PLEKHA4: variants seen among roughly 807,000 people sequenced by gnomAD.
The protein encoded by PLEKHA4 is pleckstrin homology domain-containing family A member 4.
Under a neutral mutation model 94.7 loss-of-function variants are expected in PLEKHA4, and 73 were observed. The observed-to-expected ratio is 0.77, with a 90% CI of 0.64 to 0.94. PLEKHA4 has a LOEUF of 0.94. Ranked by LOEUF, PLEKHA4 falls within the 40% of genes least tolerant of loss-of-function variation. The pLI is 0.00. For missense variants in PLEKHA4, 1,049 were observed against 1,054.1 expected (o/e 1.00, Z 0.07); for synonymous variants, 449 against 437.1 (o/e 1.03, Z -0.34).
At chr19:48,851,255 G>C (rs1357708165) in intron 13 of PLEKHA4, among the ~76,000 whole-genome samples, 3 of 152,188 alleles carry the variant, frequency 2.0e-5, no homozygotes, top group Non-Finnish European at 4.4e-5. Context: ...TTGCATGCCT[G>C]TACCAAAATA....
At chr19:48,847,738 AC>A (rs1036302360) in intron 14 of PLEKHA4, among the ~76,000 whole-genome samples, 161 bp downstream of exon 14, 2 of 151,994 alleles carry the variant, frequency 1.3e-5, no homozygotes, top group African/African-American at 4.8e-5. Flanking sequence ...TCTCAAAAAA[AC>A]CCCCGAAAAA....
At chr19:48,848,553 G>A (rs1263832970) in intron 13 of PLEKHA4, among the ~76,000 whole-genome samples, 1 of 151,532 alleles carries the variant, frequency 6.6e-6, no homozygotes, top group East Asian at 1.9e-4. Context: ...AGCATTTTGG[G>A]AAGCCGAGGC....
chr19:48,845,789 C>G (rs1341900079), intron 14 of PLEKHA4, among the ~76,000 whole-genome samples, 173 bp from the exon 15 acceptor site: 1 of 151,692 alleles, frequency 6.6e-6, no homozygotes, highest in Admixed American at 6.6e-5. Flanking sequence ...CCGAGGCAGG[C>G]AGACCACCTG....
At chr19:48,862,752 A>G (rs2036692720) in intron 3 of PLEKHA4, among the ~76,000 whole-genome samples, 1 of 151,776 alleles carries the variant, frequency 6.6e-6, no homozygotes, top group African/African-American at 2.4e-5. Flanking sequence ...TGACCTTGTG[A>G]TCTGCCTGCC....
intron 12 of PLEKHA4, among the ~76,000 whole-genome samples, chr19:48,853,066 A>C (rs573794656): frequency 6.6e-6 from 1 of 152,194 alleles, no homozygotes; most frequent in Non-Finnish European, 1.5e-5. Context: ...CTCAACTCTC[A>C]TTTAATTCCT....
In PLEKHA4 at chr19:48,858,899, G is replaced by C. The variant is rs998935719; in HGVS notation, c.933C>G (p.Pro311=). 4.4e-6 allele frequency: 7 copies of C among 1,608,222 alleles called. No homozygotes were observed. In the African/African-American group the frequency reaches 8.1e-5, roughly 19 times the overall value. The part of the protein sequence containing the change: ...PPSEAGGGKP[P]RSPQHWSQEP... ...CCTGACTCCAGTGCTGGGGACTCCTGGGGGGCTTTCCTCCCCCAGCCTCAG... is the reference window on the plus strand; with the variant it reads ...CCTGACTCCAGTGCTGGGGACTCCTCGGGGGCTTTCCTCCCCCAGCCTCAG... The change falls in exon 8 of 20, where the codon CCC becomes CCG. Residue 311 remains proline (P), a synonymous_variant. Coordinates refer to ENST00000263265, the MANE Select transcript of PLEKHA4 (RefSeq NM_020904.3).
At chr19:48,848,811 GA>G (rs1274921226) in intron 13 of PLEKHA4, among the ~76,000 whole-genome samples, 4 of 150,124 alleles carry the variant, frequency 2.7e-5, no homozygotes, top group Non-Finnish European at 5.9e-5. Context: ...AAAAAAAAAA[GA>G]AAAAGAAAAA....
At chr19:48,853,013 C>T (rs1314705481) in intron 12 of PLEKHA4, among the ~76,000 whole-genome samples, 1 of 152,170 alleles carries the variant, frequency 6.6e-6, no homozygotes, top group African/African-American at 2.4e-5. Context: ...ATGATAATAT[C>T]AGCTAACACT....
chr19:48,842,632 G>C (rs2035812695), intron 16 of PLEKHA4, among the ~76,000 whole-genome samples: 1 of 152,190 alleles, frequency 6.6e-6, no homozygotes, highest in South Asian at 2.1e-4. Context: ...CCATAGATAA[G>C]ATGAGCCCCA....
intron 17 of PLEKHA4, 127 bp from the exon 18 acceptor site, chr19:48,839,390 T>G (rs898913986): frequency 2.8e-5 from 15 of 534,870 alleles, no homozygotes; most frequent in African/African-American, 2.3e-4. Context: ...TTTTGTTTTG[T>G]TTTTCCTATG....
intron 3 of PLEKHA4, among the ~76,000 whole-genome samples, chr19:48,862,285 C>G (rs2123151538): frequency 6.7e-6 from 1 of 149,996 alleles, no homozygotes; most frequent in South Asian, 2.1e-4. Context: ...ACGGCAACCT[C>G]TGCCTCCCAG....
Position 48,867,442 on chromosome 19 carries a change from ATC to A in PLEKHA4, c.84+93_84+94del. On this transcript the variant is annotated intron_variant, in intron 2 of 19. Transcript: ENST00000263265. This position sits in a 1 kb window ranked among gnomAD's most constrained non-coding sequence, Gnocchi z 4.7. ...TGTCTGGCAGACCCCGTTGCTAAGG[ATC>A]TTTGTCCTTAACAACCAGAGTCCTT... is the stretch of plus-strand genomic sequence containing the variant. The A allele has an allele frequency of 1.4e-6, 2 of 1,405,782 alleles. No individual in the cohort carries two copies. Among genetic ancestry groups the A allele is most frequent in the Non-Finnish European group, 1.9e-6 (2 of 1,032,354 alleles). The allele number at this position is 1,405,782 out of a possible 1,614,324, so 87.1% of individuals were successfully genotyped here.
chr19:48,867,609 G>A lies in PLEKHA4; in HGVS notation c.12C>T (p.Ser4=). The A allele has an allele frequency of 6.3e-7, 1 of 1,596,476 alleles. No individual in the cohort carries two copies. Residue 4 remains serine (S), a synonymous_variant, in exon 2 of 20, where the codon AGC becomes AGT. Transcript: ENST00000263265. This position sits in a 1 kb window ranked among gnomAD's most constrained non-coding sequence, Gnocchi z 4.7. ...CCAGGCTCAGGCTGCTGCGAGGTCG[G>A]CTCCCCTCCATCAAGGGCTGGGGGA... MEG[S]RPRSSLSLAS...
chr19:48,865,973 C>A (rs2036819989), intron 2 of PLEKHA4, among the ~76,000 whole-genome samples: 1 of 151,080 alleles, frequency 6.6e-6, no homozygotes, highest in Non-Finnish European at 1.5e-5. Context: ...GAGATCGCAC[C>A]ACTGCACTCC....
At chr19:48,852,838 C>A (rs2036252056) in intron 12 of PLEKHA4, among the ~76,000 whole-genome samples, 1 of 151,170 alleles carries the variant, frequency 6.6e-6, no homozygotes, top group Non-Finnish European at 1.5e-5. Context: ...GAGGCTGAGG[C>A]AGGAGGATCA....
chr19:48,841,238 G>A lies in PLEKHA4; in HGVS notation c.1816C>T (p.Arg606Trp), dbSNP rs188151000. ...GGGGAGGTCGGGCGAGGGAAGGGCC[G>A]TCCACATTCCTGGTTTCTGCGCATC... ...ERMRRNQECG[R>W]PFPRPTSPRL... The change falls in exon 17 of 20, where the codon CGG (arginine) becomes TGG (tryptophan). Residue 606 changes from arginine (R) to tryptophan (W), a missense_variant. Physicochemically the swap from Arg to Trp is moderately radical, Grantham distance 101. Coordinates refer to ENST00000263265, the MANE Select transcript of PLEKHA4 (RefSeq NM_020904.3). 56 of 1,613,546 alleles carry A rather than the reference G, an allele frequency of 3.5e-5. No homozygotes were observed. In the Admixed American group the frequency reaches 6.3e-4, roughly 18 times the overall value.
chr19:48,866,503 C>T (rs927008402), intron 2 of PLEKHA4, among the ~76,000 whole-genome samples: 1 of 152,104 alleles, frequency 6.6e-6, no homozygotes, highest in African/African-American at 2.4e-5. Flanking sequence ...GACGCGGTTT[C>T]GCCATGTCAG....
chr19:48,840,898 A>G (rs2035735599), intron 17 of PLEKHA4, among the ~76,000 whole-genome samples: 1 of 152,014 alleles, frequency 6.6e-6, no homozygotes, highest in Non-Finnish European at 1.5e-5. Flanking sequence ...TGAGAAGAAA[A>G]ACTAGGCTTC....
rs575497998 is a variant in PLEKHA4 at position 48,854,341 on chromosome 19, T to C, written c.1048-77A>G. The C allele has an allele frequency of 7.3e-6, 9 of 1,238,400 alleles. No individual in the cohort carries two copies. The African/African-American group carries it at 1.3e-4, about 18-fold the overall frequency. The allele number at this position is 1,238,400 out of a possible 1,614,324, so 76.7% of individuals were successfully genotyped here. A position where few individuals can be genotyped will look rare whatever the true frequency, so the allele number is the denominator to read the frequency against. Reference sequence around the variant, plus strand: ...TGTAACTCAGTGCTGAGCCACGCCCTGTCTCTACTGATAGGTACTGCACTA... The same window carrying C: ...TGTAACTCAGTGCTGAGCCACGCCCCGTCTCTACTGATAGGTACTGCACTA... On this transcript the variant is annotated intron_variant, in intron 9 of 19. Coordinates refer to ENST00000263265, the MANE Select transcript of PLEKHA4 (RefSeq NM_020904.3).
Sources: gnomAD v4.1 joint callset for allele counts (sites outside exome capture counted in the v4.1 genomes callset) on GRCh38, gnomAD v4.1.1 for gene constraint, Gnocchi (gnomAD v3.1) non-coding constraint, MANE v1.5 for transcripts, NCBI Gene and HGNC (gene_info 2026-07-23, HGNC 2026-07-21) for gene names.